The following UQCC1 variants were observed in gnomAD, a reference collection of about 807,000 sequenced individuals.
UQCC1 encodes ubiquinol-cytochrome c reductase complex assembly factor 1, also known as bFGF-repressed Zic-binding protein.
Under a neutral mutation model 48.0 loss-of-function variants are expected in UQCC1, and 38 were observed. The ratio of observed to expected loss-of-function variants is 0.79; its 90% CI spans 0.61 to 1.04. The LOEUF (loss-of-function observed/expected upper bound fraction) is 1.04. Ranked by LOEUF, UQCC1 falls within the 50% of genes least tolerant of loss-of-function variation. The probability of loss-of-function intolerance (pLI) is 0.00; values close to 1 mark genes in which losing one functional copy is unlikely to be tolerated. For synonymous variants in UQCC1, 111 were observed against 129.2 expected (o/e 0.86, Z 0.95); for missense variants, 368 against 381.8 (o/e 0.96, Z 0.30).
intron 6 of UQCC1, among the ~76,000 whole-genome samples, chr20:35,350,675 CAG>C (rs1488096316): frequency 6.8e-6 from 1 of 147,184 alleles, no homozygotes; most frequent in Non-Finnish European, 1.5e-5. Context: ...GCCTGGGCGA[CAG>C]AGTGAGATTC....
intron 1 of UQCC1, among the ~76,000 whole-genome samples, chr20:35,411,133 C>T (rs1004778408): frequency 6.6e-6 from 1 of 152,138 alleles, no homozygotes; most frequent in African/African-American, 2.4e-5. Context: ...ATACACTCTC[C>T]CATCCCTCCA....
intron 8 of UQCC1, among the ~76,000 whole-genome samples, chr20:35,313,587 G>A (rs1387709816): frequency 3.3e-5 from 5 of 152,078 alleles, no homozygotes; most frequent in Admixed American, 1.3e-4. Flanking sequence ...TTAAGTTTTC[G>A]TCTGGAGCAG....
chr20:35,361,733 TTC>T (rs776886184), intron 6 of UQCC1, among the ~76,000 whole-genome samples: 16 of 152,218 alleles, frequency 1.1e-4, no homozygotes, highest in Non-Finnish European at 2.1e-4. Context: ...GTTCTCTGAC[TTC>T]TCTAAGCCCC....
At chr20:35,304,934 C>T (rs1419146277) in intron 9 of UQCC1, among the ~76,000 whole-genome samples, 2 of 152,202 alleles carry the variant, frequency 1.3e-5, no homozygotes, top group African/African-American at 4.8e-5. Flanking sequence ...GCCCACTCCT[C>T]CCTTACAGTG....
chr20:35,362,231 A>T (rs1440257224), intron 6 of UQCC1, among the ~76,000 whole-genome samples: 2 of 152,170 alleles, frequency 1.3e-5, no homozygotes, highest in African/African-American at 4.8e-5. Context: ...TCTACTACAT[A>T]GTTTTGCTTT....
rs368093875 is a variant in UQCC1 at position 35,304,246 on chromosome 20, A to G, written c.766-177T>C. ...CAGGCCAAGCCGTCTCTGATCTCCT[A>G]GATAATTTCACTAAGGTGGTTCAGA... On this transcript the variant is annotated intron_variant, in intron 9 of 9. Transcript: ENST00000374385. 9.2e-5 allele frequency among the ~76,000 whole-genome samples: 14 copies of G among 152,226 alleles called. No individual in the cohort carries two copies. In the East Asian group the frequency reaches 2.5e-3, roughly 27 times the overall value.
At chr20:35,338,856 GAAAAAAAAAAAAAAAAAAAAAAA>G (rs1172467457) in intron 7 of UQCC1, among the ~76,000 whole-genome samples, 2 of 26,846 alleles carry the variant, frequency 7.4e-5, no homozygotes, top group South Asian at 1.9e-3. Context: ...CGTCTCAAAA[GAAAAAAAAAAAAAAAAAAAAAAA>G]AAAAAAAAAA....
intron 8 of UQCC1, among the ~76,000 whole-genome samples, chr20:35,308,253 T>C (rs1300895295): frequency 6.6e-6 from 1 of 152,282 alleles, no homozygotes. Context: ...AGCTTAGGAC[T>C]GTCCTGGCAC....
chr20:35,338,872 A>AT lies in UQCC1; in HGVS notation c.573+8291_573+8292insA, dbSNP rs1568666036. ...GTCTCAAAAGAAAAAAAAAAAAAAA[A>AT]AAAAAAAAAAAAAAAAAAAAATATA... On this transcript the variant is annotated intron_variant, in intron 7 of 9. Transcript: ENST00000374385. 1.4e-4 allele frequency among the ~76,000 whole-genome samples: 8 copies of AT among 57,648 alleles called. 1 individual carries two copies. Among genetic ancestry groups the AT allele is most frequent in the African/African-American group, 6.3e-4 (3 of 4,762 alleles). The allele number at this position is 57,648 out of a possible 152,430, so 37.8% of individuals were successfully genotyped here. A position where few individuals can be genotyped will look rare whatever the true frequency, so the allele number is the denominator to read the frequency against.
chr20:35,336,845 G>A (rs564685605), intron 7 of UQCC1, among the ~76,000 whole-genome samples: 1 of 152,240 alleles, frequency 6.6e-6, no homozygotes, highest in South Asian at 2.1e-4. Flanking sequence ...TGCTTGTAAA[G>A]TGCATGAAAA....
chr20:35,310,704 T>C (rs2060981789), intron 8 of UQCC1, among the ~76,000 whole-genome samples: 1 of 146,194 alleles, frequency 6.8e-6, no homozygotes, highest in Admixed American at 6.7e-5. Context: ...TTTTTTTTTT[T>C]TTTTTTGAGA....
intron 7 of UQCC1, among the ~76,000 whole-genome samples, chr20:35,338,719 C>A (rs372535138): frequency 6.6e-6 from 1 of 150,506 alleles, no homozygotes; most frequent in Non-Finnish European, 1.5e-5. Flanking sequence ...GTGGCATGAG[C>A]CTGTAGTCCC....
chr20:35,335,398 A>T (rs1339848255), intron 7 of UQCC1, among the ~76,000 whole-genome samples: 3 of 152,196 alleles, frequency 2.0e-5, no homozygotes, highest in Non-Finnish European at 2.9e-5. Flanking sequence ...AAAACATGGT[A>T]TATCTACACA....
chr20:35,381,216 T>G (rs754145479), intron 4 of UQCC1, among the ~76,000 whole-genome samples: 13 of 152,162 alleles, frequency 8.5e-5, no homozygotes, highest in Non-Finnish European at 1.5e-4. Context: ...TAATAAGAAT[T>G]ACAATAGATC....
intron 1 of UQCC1, among the ~76,000 whole-genome samples, chr20:35,410,600 G>GA (rs1195157538): frequency 1.4e-5 from 2 of 147,276 alleles, no homozygotes; most frequent in Admixed American, 1.4e-4. Flanking sequence ...AGCTACTCGG[G>GA]AGGCTGGCAC....
At position 35,358,407 on chromosome 20, in the gene UQCC1, T is replaced by C. The variant is rs937417248; in HGVS notation, c.464+8150A>G. Among the ~76,000 whole-genome samples the C allele has an allele frequency of 5.0e-5, 6 of 121,148 alleles. No individual in the cohort carries two copies. In the Admixed American group the frequency reaches 5.5e-4, roughly 11 times the overall value. The allele number at this position is 121,148 out of a possible 152,430, so 79.5% of individuals were successfully genotyped here. On this transcript the variant is annotated intron_variant, in intron 6 of 9. Transcript: ENST00000374385. ...CAAAGTATCAGTGTGCCAATCTGTATCCAGGAAACAAAAAAAATGCAAAAT... is the reference window on the plus strand; with the variant it reads ...CAAAGTATCAGTGTGCCAATCTGTACCCAGGAAACAAAAAAAATGCAAAAT...
At chr20:35,324,063 T>C (rs1379547137) in intron 7 of UQCC1, among the ~76,000 whole-genome samples, 3 of 152,200 alleles carry the variant, frequency 2.0e-5, no homozygotes, top group African/African-American at 7.2e-5. Context: ...AAGACCAACC[T>C]GGCCAACACA....
In UQCC1 at chr20:35,303,778, A is replaced by G. The variant is rs1435987570; in HGVS notation, c.*157T>C. On this transcript the variant is annotated 3_prime_UTR_variant, in exon 10 of 10. Transcript: ENST00000374385. ...CCCAGCAGATCAGACTCCTGGGCAC[A>G]CTAAGAGGAAACTCAACACAAATGG... 2 of 1,038,032 alleles carry G rather than the reference A, an allele frequency of 1.9e-6. No individual in the cohort carries two copies. Among genetic ancestry groups the G allele is most frequent in the East Asian group, 2.4e-5 (1 of 41,682 alleles). The allele number at this position is 1,038,032 out of a possible 1,614,324, so 64.3% of individuals were successfully genotyped here.
chr20:35,376,234 G>C (rs1416833490), intron 4 of UQCC1, among the ~76,000 whole-genome samples: 1 of 151,990 alleles, frequency 6.6e-6, no homozygotes, highest in Middle Eastern at 3.2e-3. Context: ...CTTGAACCTG[G>C]GAGGGAGAGG....
Sources: gnomAD v4.1 joint callset for allele counts (sites outside exome capture counted in the v4.1 genomes callset) on GRCh38, gnomAD v4.1.1 for gene constraint, MANE v1.5 for transcripts, NCBI Gene and HGNC (gene_info 2026-07-23, HGNC 2026-07-21) for gene names.